Variants in TMEM71 observed in about 807,000 individuals in gnomAD.
TMEM71 encodes the protein transmembrane protein 71.
A neutral mutation model predicts 38.0 loss-of-function variants in TMEM71; 44 were observed. The observed-to-expected ratio is 1.16, with a 90% CI of 0.91 to 1.49. TMEM71 has a LOEUF of 1.49. TMEM71 is among the 40% of genes most tolerant of loss of function. The pLI is 0.00. For missense variants in TMEM71, 367 were observed against 348.6 expected (o/e 1.05, Z -0.42); for synonymous variants, 133 against 122.5 (o/e 1.09, Z -0.56).
intron 7 of TMEM71, among the ~76,000 whole-genome samples, chr8:132,718,989 T>A (rs1826690249): frequency 6.6e-6 from 1 of 152,240 alleles, no homozygotes; most frequent in African/African-American, 2.4e-5. Flanking sequence ...TAAAATCTGG[T>A]GAATATCCTT....
chr8:132,761,249 G>A (rs967165860), upstream of TMEM71, among the ~76,000 whole-genome samples: 2 of 152,168 alleles, frequency 1.3e-5, no homozygotes, highest in Non-Finnish European at 2.9e-5. Context: ...GGATTCTGGG[G>A]TCACAAGACA....
the TMEM71 span, among the ~76,000 whole-genome samples, chr8:132,770,797 T>C: frequency 2.0e-5 from 3 of 152,136 alleles, no homozygotes; most frequent in Admixed American, 2.0e-4. Context: ...TACGTATGAA[T>C]TGTTTAGGGT....
Position 132,710,502 on chromosome 8 carries a change from T to C in TMEM71, c.*465A>G. The C allele has an allele frequency of 8.4e-6, 2 of 237,544 alleles. No individual in the cohort carries two copies. The highest frequency in any genetic ancestry group is 1.6e-5 in the Non-Finnish European group (2 of 125,158). The allele number at this position is 237,544 out of a possible 1,614,324, so 14.7% of individuals were successfully genotyped here. On this transcript the variant is annotated 3_prime_UTR_variant, in exon 10 of 10. Coordinates refer to ENST00000677595, the MANE Select transcript of TMEM71 (RefSeq NM_001382403.1). ...TTTATGTACAAATTGCATTTATTGT[T>C]ATTCAAGTTGTCAGGTTGGTATTAG... is the stretch of plus-strand genomic sequence containing the variant.
intron 5 of TMEM71, among the ~76,000 whole-genome samples, chr8:132,735,008 T>G (rs1215239624): frequency 6.6e-6 from 1 of 152,180 alleles, no homozygotes; most frequent in Non-Finnish European, 1.5e-5. Context: ...AGGCATGAGT[T>G]CTAGAGAAAG....
chr8:132,750,316 A>G (rs1828635672), intron 4 of TMEM71, among the ~76,000 whole-genome samples: 2 of 152,204 alleles, frequency 1.3e-5, no homozygotes, highest in South Asian at 4.1e-4. Flanking sequence ...TCCCTCATCA[A>G]CAAGGGTAGA....
intron 7 of TMEM71, among the ~76,000 whole-genome samples, chr8:132,717,812 A>G (rs1328179023): frequency 6.6e-6 from 1 of 152,250 alleles, no homozygotes. Flanking sequence ...TAGCAACATT[A>G]TTCATAATGG....
intron 3 of TMEM71, among the ~76,000 whole-genome samples, chr8:132,756,706 C>T (rs1410766063): frequency 6.6e-6 from 1 of 151,712 alleles, no homozygotes; most frequent in African/African-American, 2.4e-5. Context: ...CCCACCTCAG[C>T]CTCCCGAGTA....
chr8:132,747,207 AAG>A (rs1828440651), intron 4 of TMEM71, 93 bp from the exon 5 acceptor site: 1 of 1,096,330 alleles, frequency 9.1e-7, no homozygotes. Flanking sequence ...TCTACAACCC[AAG>A]TCTGCTCACT....
At chr8:132,718,495 T>A (rs1266500308) in intron 7 of TMEM71, among the ~76,000 whole-genome samples, 1 of 150,996 alleles carries the variant, frequency 6.6e-6, no homozygotes, top group Non-Finnish European at 1.5e-5. Flanking sequence ...CCTCCCGGGT[T>A]CACACCATTC....
chr8:132,774,327 T>C, the TMEM71 span, among the ~76,000 whole-genome samples: 12 of 152,354 alleles, frequency 7.9e-5, no homozygotes, highest in African/African-American at 2.2e-4. Context: ...ACTGTCTTAT[T>C]TATATCTTTT....
At chr8:132,732,752 G>A (rs1032283044) in intron 5 of TMEM71, among the ~76,000 whole-genome samples, 4 of 152,048 alleles carry the variant, frequency 2.6e-5, no homozygotes, top group African/African-American at 4.8e-5. Context: ...TCTCCTCCCC[G>A]GGGACATGGT....
At chr8:132,770,387 G>A in the TMEM71 span, among the ~76,000 whole-genome samples, 1 of 152,200 alleles carries the variant, frequency 6.6e-6, no homozygotes, top group Non-Finnish European at 1.5e-5. Context: ...GTTTGGACCA[G>A]TCTTCACGCT....
Position 132,757,434 on chromosome 8 carries a change from C to T in TMEM71, c.41-140G>A, listed in dbSNP as rs1352351506. On this transcript the variant is annotated intron_variant, in intron 2 of 9. Transcript: ENST00000677595. ...GGAATAGCTGATGTTCCAGCTTCAG[C>T]AGGAAGACTCCAGTAGTGCAGGTAC... The T allele has an allele frequency of 3.2e-5, 19 of 592,310 alleles. No individual in the cohort carries two copies. The East Asian group carries it at 6.0e-4, about 19-fold the overall frequency. 36.7% of individuals were successfully genotyped at this position (592,310 alleles called of 1,614,324 possible). A position where few individuals can be genotyped will look rare whatever the true frequency, so the allele number is the denominator to read the frequency against.
Position 132,751,843 on chromosome 8 carries a change from C to A in TMEM71, c.256G>T (p.Gly86Cys), listed in dbSNP as rs1166277301. The A allele has an allele frequency of 1.2e-6, 2 of 1,613,954 alleles. No individual in the cohort carries two copies. Among genetic ancestry groups the A allele is most frequent in the Non-Finnish European group, 1.7e-6 (2 of 1,180,046 alleles). ...TGGGATGGGTTCAGAGTTATGTTGC[C>A]ATCTTTGTCGCACAGGAAGCTGTCT... is the stretch of plus-strand genomic sequence containing the variant. ...TEDSFLCDKD[G>C]NITLNPSQTS... The change falls in exon 4 of 10, where the codon GGC (glycine) becomes TGC (cysteine). Residue 86 changes from glycine (G) to cysteine (C), a missense_variant. By Grantham distance (159) the Gly-to-Cys change is radical. Coordinates refer to ENST00000677595, the MANE Select transcript of TMEM71 (RefSeq NM_001382403.1).
At chr8:132,757,060 T>A (rs1028232035) in intron 3 of TMEM71, among the ~76,000 whole-genome samples, 174 bp downstream of exon 3, 4 of 151,536 alleles carry the variant, frequency 2.6e-5, no homozygotes, top group African/African-American at 9.7e-5. Context: ...CTGATTTTTT[T>A]TTTTTTTTTG....
chr8:132,714,085 A>C, intron 8 of TMEM71, 33 bp from the exon 9 acceptor site: 1 of 1,613,894 alleles, frequency 6.2e-7, no homozygotes, highest in African/African-American at 1.3e-5. Flanking sequence ...TTTTAAAATC[A>C]TTTTAAAGTG....
chr8:132,729,661 G>C lies in TMEM71; in HGVS notation c.488-1675C>G, dbSNP rs144761352. 3.0e-3 allele frequency among the ~76,000 whole-genome samples: 453 copies of C among 152,282 alleles called. 2 individuals are homozygous for C. The highest frequency in any genetic ancestry group is 0.01 in the African/African-American group (427 of 41,538). ...CCTATAACTCTAAGCATACGCTGTG[G>C]ACAAAGCTGCCAAAAGGGGTGGGGA... On this transcript the variant is annotated intron_variant, in intron 5 of 9. Transcript: ENST00000677595.
At chr8:132,747,211 C>G (rs1380780549) in intron 4 of TMEM71, 97 bp from the exon 5 acceptor site, 1 of 1,037,624 alleles carries the variant, frequency 9.6e-7, no homozygotes, top group Non-Finnish European at 1.3e-6. Flanking sequence ...CAACCCAAGT[C>G]TGCTCACTGC....
downstream of TMEM71, among the ~76,000 whole-genome samples, chr8:132,705,942 A>G (rs750957738): frequency 1.3e-5 from 2 of 152,052 alleles, no homozygotes; most frequent in Admixed American, 1.3e-4. Flanking sequence ...CTAATCCCCA[A>G]TGTTATGGTA....
Sources: allele counts gnomAD v4.1 joint callset (sites outside exome capture counted in the v4.1 genomes callset), GRCh38; gene constraint gnomAD v4.1.1; transcripts MANE v1.5; gene names NCBI Gene and HGNC (gene_info 2026-07-23, HGNC 2026-07-21).